The following ITIH3 variants were observed in gnomAD, a reference collection of about 807,000 sequenced individuals.
ITIH3 encodes the protein inter-alpha-trypsin inhibitor heavy chain 3.
In ITIH3, 81 loss-of-function variants were observed where a neutral mutation model predicts 96.5. That is an observed-to-expected ratio of 0.84 (90% CI 0.70 to 1.01). The LOEUF (loss-of-function observed/expected upper bound fraction) is 1.01, where lower values mean the gene tolerates loss of function less well. Among genes scored for constraint, ITIH3 ranks in the 50% least tolerant of loss-of-function variants. The pLI, the probability that ITIH3 is intolerant of heterozygous loss-of-function variation, is 0.00. For missense variants in ITIH3, 1,057 were observed against 1,139.3 expected, an observed-to-expected ratio of 0.93 and a Z score of 1.04; for synonymous variants, 422 against 445.2, an observed-to-expected ratio of 0.95 and a Z score of 0.66.
chr3:52,806,754 G>A (rs1424126899), intron 18 of ITIH3, 147 bp from the exon 19 acceptor site: 5 of 682,544 alleles, frequency 7.3e-6, no homozygotes, highest in Non-Finnish European at 1.3e-5. Flanking sequence ...GAACCAACAG[G>A]CTTGGGCTCT....
At chr3:52,797,632 C>T (rs1699642238) in intron 5 of ITIH3, among the ~76,000 whole-genome samples, 185 bp from the exon 6 acceptor site, 1 of 152,190 alleles carries the variant, frequency 6.6e-6, no homozygotes, top group Admixed American at 6.5e-5. Flanking sequence ...TAACACCTCC[C>T]GATCAGCATA....
Position 52,796,635 on chromosome 3 carries a change from C to G in ITIH3, c.269C>G (p.Thr90Ser). The change falls in exon 3 of 22, where the codon ACC becomes AGC. Residue 90 changes from threonine (T) to serine (S), a missense_variant. Physicochemically the swap from Thr to Ser is moderately conservative, Grantham distance 58. Coordinates refer to ENST00000449956, the MANE Select transcript of ITIH3 (RefSeq NM_002217.4). ...DVELPKTAFI[T>S]NFTLTIDGVT... Reference sequence around the variant, plus strand: ...GAGCTGCCCAAGACGGCCTTCATCACCAACTTCACCTTGTGGGTACCACCA... The same window carrying G: ...GAGCTGCCCAAGACGGCCTTCATCAGCAACTTCACCTTGTGGGTACCACCA... 6.2e-7 allele frequency: 1 copy of G among 1,612,558 alleles called. No individual in the cohort carries two copies. Among genetic ancestry groups the G allele is most frequent in the Non-Finnish European group, 8.5e-7 (1 of 1,178,994 alleles).
Position 52,800,675 on chromosome 3 carries a change from G to C in ITIH3, c.1201+12G>C. On this transcript the variant is annotated intron_variant, in intron 10 of 21. Coordinates refer to ENST00000449956, the MANE Select transcript of ITIH3 (RefSeq NM_002217.4). The stretch of plus-strand genomic sequence containing the variant: ...GGATGCCAATGTTGGTGAGGAGCAC[G>C]GGCATGGTTTTGAGCTAGGGCTGGA... 6.3e-7 allele frequency: 1 copy of C among 1,597,696 alleles called. No individual in the cohort carries two copies. The highest frequency in any genetic ancestry group is 8.5e-7 in the Non-Finnish European group (1 of 1,172,292).
chr3:52,797,325 A>G, intron 5 of ITIH3, 58 bp downstream of exon 5: 2 of 1,530,672 alleles, frequency 1.3e-6, no homozygotes, highest in East Asian at 4.8e-5. Context: ...GAACCCGCCC[A>G]TGGGGCAGTC....
chr3:52,804,802 T>C, intron 15 of ITIH3, 68 bp downstream of exon 15: 1 of 1,539,318 alleles, frequency 6.5e-7, no homozygotes, highest in Non-Finnish European at 8.8e-7. Context: ...GAGGAGGCCT[T>C]TCCAAGCAAG....
At position 52,796,495 on chromosome 3, in the gene ITIH3, C is replaced by T. The variant is rs761372023; in HGVS notation, c.129C>T (p.Ile43=). ...CCTCCCCAAAGGTGGCCAATGGCATCGAGGTCTACAGTACCAAAATCAACT... is the reference window on the plus strand; with the variant it reads ...CCTCCCCAAAGGTGGCCAATGGCATTGAGGTCTACAGTACCAAAATCAACT... ...RSLPEGVANG[I]EVYSTKINSK... Residue 43 remains isoleucine, a synonymous_variant, in exon 3 of 22, where the codon ATC becomes ATT. Transcript: ENST00000449956. The T allele has an allele frequency of 1.7e-5, 28 of 1,612,118 alleles. No homozygotes were observed. In the Admixed American group the frequency reaches 3.8e-4, roughly 22 times the overall value.
In ITIH3 at chr3:52,807,957, C is replaced by A. The variant is rs576122081; in HGVS notation, c.2431+41C>A. 3.8e-5 allele frequency: 61 copies of A among 1,600,070 alleles called. 1 individual carries two copies. The South Asian group carries it at 6.4e-4, about 17-fold the overall frequency. The stretch of plus-strand genomic sequence containing the variant: ...ACTGCAGGCTGTTCAGGCCTGAGAG[C>A]AGCATGGGAAAGACATACACAAGGC... On this transcript the variant is annotated intron_variant, in intron 20 of 21. Coordinates refer to ENST00000449956, the MANE Select transcript of ITIH3 (RefSeq NM_002217.4).
In ITIH3 at chr3:52,800,666, G is replaced by T; in HGVS notation, c.1201+3G>T. On this transcript the variant is annotated splice_donor_region_variant and intron_variant, in intron 10 of 21. Coordinates refer to ENST00000449956, the MANE Select transcript of ITIH3 (RefSeq NM_002217.4). Reference sequence around the variant, plus strand: ...GACTGATGGGGATGCCAATGTTGGTGAGGAGCACGGGCATGGTTTTGAGCT... The same window carrying T: ...GACTGATGGGGATGCCAATGTTGGTTAGGAGCACGGGCATGGTTTTGAGCT... The T allele has an allele frequency of 6.3e-7, 1 of 1,598,028 alleles. No individual in the cohort carries two copies. Among genetic ancestry groups the T allele is most frequent in the East Asian group, 2.3e-5 (1 of 44,224 alleles).
At chr3:52,798,776 G>C in intron 6 of ITIH3, 190 bp from the exon 7 acceptor site, 1 of 620,054 alleles carries the variant, frequency 1.6e-6, no homozygotes, top group East Asian at 2.8e-5. Flanking sequence ...GCCTTCCAGT[G>C]AGTCCTGGGA....
intron 12 of ITIH3, 47 bp downstream of exon 12, chr3:52,802,566 C>T: frequency 6.2e-7 from 1 of 1,610,882 alleles, no homozygotes; most frequent in Non-Finnish European, 8.5e-7. Context: ...GGGGTATCAG[C>T]AGTGGTAGGG....
At chr3:52,797,550 T>C (rs1405844772) in intron 5 of ITIH3, among the ~76,000 whole-genome samples, 3 of 152,236 alleles carry the variant, frequency 2.0e-5, no homozygotes, top group Non-Finnish European at 4.4e-5. Context: ...TGGGCATTTT[T>C]CCTACCTCAA....
At chr3:52,807,222 G>C (rs557739673) in intron 19 of ITIH3, 117 bp downstream of exon 19, 1 of 912,328 alleles carries the variant, frequency 1.1e-6, no homozygotes, top group East Asian at 2.6e-5. Flanking sequence ...GGAAAGATCA[G>C]AGACCCCAGA....
chr3:52,805,061 TC>T, intron 15 of ITIH3: 1 of 294,050 alleles, frequency 3.4e-6, no homozygotes. Context: ...CCTTTTATGA[TC>T]CCCATTTTAC....
At chr3:52,805,194 C>A in intron 15 of ITIH3, 1 of 621,758 alleles carries the variant, frequency 1.6e-6, no homozygotes, top group Non-Finnish European at 2.0e-6. Flanking sequence ...CTGGGAATTG[C>A]TGGGGATCAC....
intron 2 of ITIH3, 144 bp downstream of exon 2, chr3:52,795,767 C>T: frequency 1.4e-6 from 1 of 720,512 alleles, no homozygotes; most frequent in Non-Finnish European, 2.3e-6. Flanking sequence ...CAGCCTCCAA[C>T]AGCGCAGGAC....
rs187701014 is a variant in ITIH3, at chr3:52,795,644, G to C, written c.114+21G>C. ...AAGGGGTAAGAACTTTCACCAGGGG[G>C]TGGGACCGAGTGGGGCAGGGCAGGA... is the stretch of plus-strand genomic sequence containing the variant. On this transcript the variant is annotated intron_variant, in intron 2 of 21. Transcript: ENST00000449956. 8 of 1,609,912 alleles carry C rather than the reference G, an allele frequency of 5.0e-6. No homozygotes were observed. The South Asian group carries it at 8.9e-5, about 18-fold the overall frequency.
At chr3:52,794,943 C>T (rs1470710437) in intron 1 of ITIH3, 47 bp downstream of exon 1, 1 of 1,443,480 alleles carries the variant, frequency 6.9e-7, no homozygotes, top group East Asian at 2.3e-5. Context: ...GTGGAATGGG[C>T]AGAAGGCATC....
intron 9 of ITIH3, among the ~76,000 whole-genome samples, chr3:52,800,145 G>C (rs1226254864): frequency 6.6e-6 from 1 of 152,136 alleles, no homozygotes; most frequent in Non-Finnish European, 1.5e-5. Flanking sequence ...CCATGATCCT[G>C]GTATCTCACA....
chr3:52,801,385 T>C (rs1699825185), intron 11 of ITIH3, among the ~76,000 whole-genome samples: 1 of 152,230 alleles, frequency 6.6e-6, no homozygotes, highest in African/African-American at 2.4e-5. Context: ...TATGAATTTC[T>C]GATAAATAAT....
Sources: allele counts gnomAD v4.1 joint callset (sites outside exome capture counted in the v4.1 genomes callset), GRCh38; gene constraint gnomAD v4.1.1; transcripts MANE v1.5; gene names NCBI Gene and HGNC (gene_info 2026-07-23, HGNC 2026-07-21).